The following LRGUK variants were observed in gnomAD, a reference collection of about 807,000 sequenced individuals.
LRGUK encodes leucine rich repeats and guanylate kinase domain containing.
Under a neutral mutation model 76.0 loss-of-function variants are expected in LRGUK, and 65 were observed. The observed-to-expected ratio is 0.85, with a 90% confidence interval of 0.70 to 1.05. The LOEUF (loss-of-function observed/expected upper bound fraction) is 1.05. Among genes scored for constraint, LRGUK ranks in the 50% least tolerant of loss-of-function variants. The pLI, the probability that LRGUK is intolerant of heterozygous loss-of-function variation, is 0.00. For missense variants in LRGUK, 758 were observed against 732.8 expected (o/e 1.03, Z -0.40); for synonymous variants, 268 against 265.6 (o/e 1.01, Z -0.09).
chr7:134,258,765 TTA>T (rs796493779), intron 19 of LRGUK, among the ~76,000 whole-genome samples: 90 of 152,200 alleles, frequency 5.9e-4, no homozygotes, highest in African/African-American at 2.0e-3. Flanking sequence ...TTATATTTGT[TTA>T]TATATGTTTC....
intron 8 of LRGUK, among the ~76,000 whole-genome samples, chr7:134,176,448 C>T (rs111972269): frequency 0.011 from 1,644 of 151,508 alleles, 39 homozygotes; most frequent in African/African-American, 0.038. Context: ...GGCGCGATCT[C>T]GGCTCACTGC....
chr7:134,225,795 G>A (rs1410883396), intron 16 of LRGUK, among the ~76,000 whole-genome samples: 2 of 152,104 alleles, frequency 1.3e-5, no homozygotes, highest in African/African-American at 4.8e-5. Context: ...TGCACAGCTG[G>A]TATAATGCTG....
chr7:134,205,562 A>G (rs539013793), intron 15 of LRGUK, among the ~76,000 whole-genome samples: 2 of 152,364 alleles, frequency 1.3e-5, no homozygotes, highest in African/African-American at 2.4e-5. Flanking sequence ...TAGTTTTAGT[A>G]TAATGAATTT....
At chr7:134,205,023 G>C (rs924162561) in intron 15 of LRGUK, among the ~76,000 whole-genome samples, 1 of 152,220 alleles carries the variant, frequency 6.6e-6, no homozygotes, top group East Asian at 1.9e-4. Context: ...GTGGTAGCAA[G>C]GTTTAGTGTT....
At chr7:134,238,534 C>A (rs918352680) in intron 16 of LRGUK, among the ~76,000 whole-genome samples, 1 of 151,836 alleles carries the variant, frequency 6.6e-6, no homozygotes, top group Non-Finnish European at 1.5e-5. Flanking sequence ...GTTTAGTTTT[C>A]GTTTCTGAGG....
At chr7:134,276,310 C>G in the LRGUK span, among the ~76,000 whole-genome samples, 1 of 152,340 alleles carries the variant, frequency 6.6e-6, no homozygotes, top group African/African-American at 2.4e-5. Flanking sequence ...TAGGAAGGCA[C>G]TATTATAGAA....
downstream of LRGUK, among the ~76,000 whole-genome samples, chr7:134,265,199 C>T (rs996584661): frequency 2.6e-5 from 4 of 152,036 alleles, no homozygotes; most frequent in South Asian, 2.1e-4. Context: ...TCACAAGTAT[C>T]GTCTAATCTT....
chr7:134,243,553 G>C (rs1311790933), intron 16 of LRGUK, among the ~76,000 whole-genome samples: 1 of 151,996 alleles, frequency 6.6e-6, no homozygotes, highest in Non-Finnish European at 1.5e-5. Flanking sequence ...AATAAAAGAG[G>C]ACACAAACAA....
chr7:134,266,849 TA>T (rs1472060412), downstream of LRGUK, among the ~76,000 whole-genome samples: 1 of 152,096 alleles, frequency 6.6e-6, no homozygotes. Context: ...AGACACATAA[TA>T]ATCACACTAC....
intron 18 of LRGUK, among the ~76,000 whole-genome samples, chr7:134,257,075 G>C (rs1336199245): frequency 1.3e-5 from 2 of 152,142 alleles, no homozygotes; most frequent in African/African-American, 4.8e-5. Flanking sequence ...TGTCCCCCTT[G>C]CTGAGTCAGG....
intron 19 of LRGUK, among the ~76,000 whole-genome samples, chr7:134,259,947 C>T (rs1346400608): frequency 6.6e-6 from 1 of 152,086 alleles, no homozygotes; most frequent in Non-Finnish European, 1.5e-5. Context: ...CTGTATCCTT[C>T]CTTAAATGGG....
At chr7:134,161,927 C>T (rs371353232) in intron 6 of LRGUK, among the ~76,000 whole-genome samples, 1 of 152,052 alleles carries the variant, frequency 6.6e-6, no homozygotes. Context: ...CTCCTGACCT[C>T]GTGATCCGCC....
rs1330644183 is a variant in LRGUK, at chr7:134,225,233, G to C, written c.1983+3315G>C. On this transcript the variant is annotated intron_variant, in intron 16 of 19. Coordinates refer to the LRGUK transcript ENST00000285928. Reference sequence around the variant, plus strand: ...GTATGGGGAAACTGGAGAGAGGAGAGGATAAAAAGGCAGTGTGAGAGTGGA... The same window carrying C: ...GTATGGGGAAACTGGAGAGAGGAGACGATAAAAAGGCAGTGTGAGAGTGGA... Among the ~76,000 whole-genome samples the C allele has an allele frequency of 2.6e-5, 4 of 151,916 alleles. No individual in the cohort carries two copies. The South Asian group carries it at 8.3e-4, about 32-fold the overall frequency.
At chr7:134,131,285 A>G (rs569389482) in intron 1 of LRGUK, among the ~76,000 whole-genome samples, 204 of 152,386 alleles carry the variant, frequency 1.3e-3, no homozygotes, top group African/African-American at 4.9e-3. Context: ...TCAAAAAATT[A>G]TAGCTGCAAT....
At chr7:134,133,106 C>A (rs1458368359) in intron 1 of LRGUK, among the ~76,000 whole-genome samples, 1 of 152,160 alleles carries the variant, frequency 6.6e-6, no homozygotes, top group East Asian at 1.9e-4. Context: ...AGCTAGGGGG[C>A]AGATGAGGTG....
intron 7 of LRGUK, 113 bp downstream of exon 7, chr7:134,163,653 A>C: frequency 4.3e-6 from 4 of 922,800 alleles, no homozygotes; most frequent in Non-Finnish European, 5.9e-6. Flanking sequence ...ATTAAATGTC[A>C]GCTTAGAAAT....
the LRGUK span, among the ~76,000 whole-genome samples, chr7:134,273,696 T>C: frequency 6.6e-6 from 1 of 152,186 alleles, no homozygotes; most frequent in Non-Finnish European, 1.5e-5. Flanking sequence ...TATACTTTTT[T>C]AGAATTACTA....
At chr7:134,131,557 C>G (rs1055337734) in intron 1 of LRGUK, among the ~76,000 whole-genome samples, 1 of 152,242 alleles carries the variant, frequency 6.6e-6, no homozygotes, top group South Asian at 2.1e-4. Context: ...CAGGTGAGAA[C>G]AGAAGAAGCC....
At chr7:134,193,361 A>G (rs1800339957) in intron 12 of LRGUK, among the ~76,000 whole-genome samples, 1 of 152,198 alleles carries the variant, frequency 6.6e-6, no homozygotes, top group African/African-American at 2.4e-5. Context: ...CCCAAAATTA[A>G]TGTTAATTTA....
Sources: gnomAD v4.1 joint callset for allele counts (sites outside exome capture counted in the v4.1 genomes callset) on GRCh38, gnomAD v4.1.1 for gene constraint, MANE v1.5 for transcripts, NCBI Gene and HGNC (gene_info 2026-07-23, HGNC 2026-07-21) for gene names.